SYNE1: variants seen among roughly 807,000 people sequenced by gnomAD.
SYNE1 encodes the protein spectrin repeat containing nuclear envelope protein 1, also known as nesprin-1.
In SYNE1, 616 loss-of-function variants were observed where a neutral mutation model predicts 1,111.0. That is an observed-to-expected ratio of 0.55 (90% CI 0.52 to 0.59). The LOEUF is 0.59. SYNE1 is among the 20% of genes least tolerant of loss of function. SYNE1 has a pLI of 0.00. For missense variants in SYNE1, 10,006 were observed against 10,417.0 expected (o/e 0.96, Z 1.72); for synonymous variants, 3,855 against 3,825.8 (o/e 1.01, Z -0.28).
At chr6:152,520,311 A>C in intron 6 of SYNE1, 148 bp downstream of exon 6, 2 of 827,616 alleles carry the variant, frequency 2.4e-6, no homozygotes, top group South Asian at 3.0e-5. Context: ...TAAATCTAAG[A>C]GTATTTTATA....
chr6:152,545,883 C>T, intron 3 of SYNE1: 1 of 152,098 alleles, frequency 6.6e-6, no homozygotes. Context: ...TTTAAAATCA[C>T]ATTATTCCTG....
chr6:152,370,898 C>T (rs1408653218), intron 59 of SYNE1, among the ~76,000 whole-genome samples: 2 of 152,136 alleles, frequency 1.3e-5, no homozygotes, highest in Non-Finnish European at 2.9e-5. Context: ...TATGGGTTAG[C>T]TGTAAGAATC....
intron 51 of SYNE1, among the ~76,000 whole-genome samples, chr6:152,394,788 CT>C (rs11358769): frequency 0.34 from 42,241 of 124,954 alleles, 5,692 homozygotes; most frequent in East Asian, 0.66. Flanking sequence ...TTTCTTTTTC[CT>C]TTTTTTTTTT....
At chr6:152,558,622 ATCAAT>A (rs1401137209) in intron 3 of SYNE1, among the ~76,000 whole-genome samples, 1 of 152,214 alleles carries the variant, frequency 6.6e-6, no homozygotes, top group African/African-American at 2.4e-5. Flanking sequence ...TGACAAAAGG[ATCAAT>A]TCATCAAGAG....
At chr6:152,217,267 G>A (rs1006259765) in intron 121 of SYNE1, among the ~76,000 whole-genome samples, 2 of 149,666 alleles carry the variant, frequency 1.3e-5, no homozygotes. Context: ...GTGGTGGACA[G>A]TACCTGCAGT....
rs1563463633 is a variant in SYNE1 at position 152,371,930 on chromosome 6, C to CAGGAAAGGAAAGGAAAGGAA, written c.9507+1106_9507+1107insTTCCTTTCCTTTCCTTTCCT. Among the ~76,000 whole-genome samples, 6 of 37,020 alleles carry CAGGAAAGGAAAGGAAAGGAA rather than the reference C, an allele frequency of 1.6e-4. 1 individual carries two copies. Among genetic ancestry groups the CAGGAAAGGAAAGGAAAGGAA allele is most frequent in the African/African-American group, 3.9e-4 (5 of 12,950 alleles). 24.3% of individuals were successfully genotyped at this position (37,020 alleles called of 152,430 possible). A position where few individuals can be genotyped will look rare whatever the true frequency, so the allele number is the denominator to read the frequency against. ...AAGGAAAGGAAAGGAAAGGACAGGA[C>CAGGAAAGGAAAGGAAAGGAA]AGGACAGGAAAGGAAAGGAAAGGAA... On this transcript the variant is annotated intron_variant, in intron 59 of 145. Coordinates refer to ENST00000367255, the MANE Select transcript of SYNE1 (RefSeq NM_182961.4).
Position 152,494,627 on chromosome 6 carries a change from G to A in SYNE1, c.939+4115C>T, listed in dbSNP as rs560842739. ...CCTCACTCTTGCAAAGGGACTACAC[G>A]TCAATATTTATACTGACCCTAAATA... is the stretch of plus-strand genomic sequence containing the variant. On this transcript the variant is annotated intron_variant, in intron 11 of 145. Transcript: ENST00000367255. Among the ~76,000 whole-genome samples the A allele has an allele frequency of 9.2e-5, 14 of 152,146 alleles. No individual in the cohort carries two copies. The East Asian group carries it at 9.7e-4, about 11-fold the overall frequency.
chr6:152,630,556 C>A (rs377676900), intron 2 of SYNE1, among the ~76,000 whole-genome samples: 12 of 152,218 alleles, frequency 7.9e-5, no homozygotes, highest in African/African-American at 2.9e-4. Context: ...GTGAAAAGTG[C>A]CTGAAGGACC....
At chr6:152,551,276 C>A (rs938957520) in intron 3 of SYNE1, among the ~76,000 whole-genome samples, 2 of 152,018 alleles carry the variant, frequency 1.3e-5, no homozygotes, top group African/African-American at 4.8e-5. Flanking sequence ...CGGATGTGAA[C>A]AAGGAAGCTA....
intron 3 of SYNE1, among the ~76,000 whole-genome samples, chr6:152,550,814 C>T (rs1017361905): frequency 9.9e-5 from 15 of 151,964 alleles, no homozygotes; most frequent in African/African-American, 3.1e-4. Flanking sequence ...GTATGTGCAC[C>T]GTATCACGTT....
In SYNE1 at chr6:152,442,030, A is replaced by G. The variant is rs368145570; in HGVS notation, c.4008+45T>C. 34 of 1,611,652 alleles carry G rather than the reference A, an allele frequency of 2.1e-5. No homozygotes were observed. In the East Asian group the frequency reaches 2.7e-4, roughly 13 times the overall value. ...TTATGAGGCACAACCGGAAGTGAAC[A>G]CTGCCCAGCCTCTGTTTAAATGGCC... On this transcript the variant is annotated intron_variant, in intron 31 of 145. Coordinates refer to ENST00000367255, the MANE Select transcript of SYNE1 (RefSeq NM_182961.4).
chr6:152,206,862 G>A (rs949798418), intron 125 of SYNE1, among the ~76,000 whole-genome samples: 1 of 152,164 alleles, frequency 6.6e-6, no homozygotes, highest in African/African-American at 2.4e-5. Context: ...AGTGGCTGGA[G>A]TGTGGATGGC....
At chr6:152,219,695 C>A (rs1386459625) in intron 119 of SYNE1, among the ~76,000 whole-genome samples, 1 of 152,204 alleles carries the variant, frequency 6.6e-6, no homozygotes. Flanking sequence ...GCAAGTACAG[C>A]AACCTCCTAT....
Position 152,362,262 on chromosome 6 carries a change from C to A in SYNE1, c.10207G>T (p.Gly3403Cys). Residue 3403 changes from glycine (G) to cysteine (C), a missense_variant, in exon 64 of 146, where the codon GGT (glycine) becomes TGT (cysteine). Gly to Cys is a radical substitution (Grantham distance 159). Coordinates refer to ENST00000367255, the MANE Select transcript of SYNE1 (RefSeq NM_182961.4). ...TTGGCTTCCATACTATCCATCCAAC[C>A]GGAGAACTGTCGAACGCCATCCTGA... ...SYQDGVRQFSGWMDSMEANLN... is the reference protein window; with the variant it reads ...SYQDGVRQFSCWMDSMEANLN... 6.2e-7 allele frequency: 1 copy of A among 1,614,176 alleles called. No individual in the cohort carries two copies. The highest frequency in any genetic ancestry group is 1.7e-5 in the Admixed American group (1 of 60,030).
At chr6:152,222,812 A>G (rs963207100) in intron 117 of SYNE1, among the ~76,000 whole-genome samples, 5 of 152,326 alleles carry the variant, frequency 3.3e-5, no homozygotes, top group African/African-American at 9.6e-5. Flanking sequence ...TTAGTGATCC[A>G]CCGTACAGAA....
rs370644295 is a variant in SYNE1 at position 152,391,293 on chromosome 6, C to T, written c.7988G>A (p.Arg2663Gln). 7 of 1,613,980 alleles carry T rather than the reference C, an allele frequency of 4.3e-6. No homozygotes were observed. Among genetic ancestry groups the T allele is most frequent in the African/African-American group, 1.3e-5 (1 of 75,004 alleles). The change falls in exon 52 of 146, where the codon CGG becomes CAG. Residue 2663 changes from arginine to glutamine, a missense_variant. Transcript: ENST00000367255. Reference protein sequence around the residue: ...TLGSKDTLEKRLSQIQDILLM... With the variant: ...TLGSKDTLEKQLSQIQDILLM... ...CGCATGTACCTGTATTTGTGACAGC[C>T]GTTTCTCCAGGGTGTCTTTGCTCCC...
intron 3 of SYNE1, among the ~76,000 whole-genome samples, chr6:152,607,308 T>C (rs901048499): frequency 6.6e-6 from 1 of 152,064 alleles, no homozygotes; most frequent in Non-Finnish European, 1.5e-5. Context: ...TTTTAACCAA[T>C]AGCCTGATAG....
chr6:152,296,222 C>T (rs1292791117), intron 93 of SYNE1, among the ~76,000 whole-genome samples: 1 of 152,148 alleles, frequency 6.6e-6, no homozygotes, highest in African/African-American at 2.4e-5. Flanking sequence ...CTGACAAACC[C>T]TTTCCGGAAA....
intron 41 of SYNE1, 88 bp from the exon 42 acceptor site, chr6:152,413,619 A>T: frequency 3.7e-6 from 5 of 1,336,320 alleles, no homozygotes; most frequent in African/African-American, 1.5e-5. Context: ...GAGTCCATAA[A>T]GCACTCATTT....
Sources: allele counts gnomAD v4.1 joint callset (sites outside exome capture counted in the v4.1 genomes callset), GRCh38; gene constraint gnomAD v4.1.1; transcripts MANE v1.5; gene names NCBI Gene and HGNC (gene_info 2026-07-23, HGNC 2026-07-21).